SORL1: variants seen among roughly 807,000 people sequenced by gnomAD.
The protein encoded by SORL1 is sortilin related receptor 1.
A neutral mutation model predicts 273.7 loss-of-function variants in SORL1; 127 were observed. The observed-to-expected ratio is 0.46, with a 90% confidence interval of 0.40 to 0.54. SORL1 has a LOEUF of 0.54. Among genes scored for constraint, SORL1 ranks in the 20% least tolerant of loss-of-function variants. SORL1 has a pLI of 0.00. For missense variants in SORL1, 2,494 were observed against 2,846.1 expected (o/e 0.88, Z 2.81); for synonymous variants, 1,031 against 1,067.4 (o/e 0.97, Z 0.66).
intron 6 of SORL1, among the ~76,000 whole-genome samples, chr11:121,507,419 G>C (rs973358658): frequency 6.6e-6 from 1 of 152,136 alleles, no homozygotes; most frequent in African/African-American, 2.4e-5. Flanking sequence ...CAGGACACTT[G>C]ATGGTGTTTC....
At position 121,583,497 on chromosome 11, in the gene SORL1, G is replaced by A. The variant is rs114830255; in HGVS notation, c.3620G>A (p.Arg1207Gln). 1,533 of 1,612,634 alleles carry A rather than the reference G, an allele frequency of 9.5e-4. 15 individuals carry two copies. In the African/African-American group the frequency reaches 0.015, roughly 15 times the overall value. Residue 1207 changes from arginine to glutamine, a missense_variant, in exon 26 of 48, where the codon CGA (arginine) becomes CAA (glutamine). Transcript: ENST00000260197. Reference protein sequence around the residue: ...HTCEASNFQCRNGHCIPQRWA... With the variant: ...HTCEASNFQCQNGHCIPQRWA... Reference sequence around the variant, plus strand: ...TGTGAGGCCTCCAACTTCCAGTGCCGAAACGGGCACTGCATCCCCCAGCGG... The same window carrying A: ...TGTGAGGCCTCCAACTTCCAGTGCCAAAACGGGCACTGCATCCCCCAGCGG...
At chr11:121,558,471 T>A (rs1477181347) in intron 19 of SORL1, 120 bp from the exon 20 acceptor site, 2 of 1,013,106 alleles carry the variant, frequency 2.0e-6, no homozygotes, top group Non-Finnish European at 3.0e-6. Flanking sequence ...ATTGTTATAA[T>A]AATGCTGAAA....
intron 21 of SORL1, among the ~76,000 whole-genome samples, chr11:121,561,106 A>G (rs1862665534): frequency 6.6e-6 from 1 of 152,086 alleles, no homozygotes. Flanking sequence ...CTCCAAGTGG[A>G]TTTTTAGCAT....
intron 5 of SORL1, among the ~76,000 whole-genome samples, chr11:121,493,205 C>G (rs1490864963): frequency 1.3e-5 from 2 of 152,126 alleles, no homozygotes; most frequent in East Asian, 3.9e-4. Context: ...ATCTCAAACA[C>G]CTGGCCTCAA....
At chr11:121,517,752 C>T (rs940894315) in intron 8 of SORL1, among the ~76,000 whole-genome samples, 3 of 152,198 alleles carry the variant, frequency 2.0e-5, no homozygotes, top group Admixed American at 6.5e-5. Flanking sequence ...CATAGGCCAA[C>T]GTCCCACTCA....
At chr11:121,548,839 T>A (rs985397393) in intron 14 of SORL1, among the ~76,000 whole-genome samples, 5 of 152,134 alleles carry the variant, frequency 3.3e-5, no homozygotes, top group Non-Finnish European at 5.9e-5. Flanking sequence ...AATGCTGGGA[T>A]TACAGGCGTG....
At chr11:121,487,774 C>A (rs1275485609) in intron 3 of SORL1, among the ~76,000 whole-genome samples, 1 of 152,212 alleles carries the variant, frequency 6.6e-6, no homozygotes, top group African/African-American at 2.4e-5. Context: ...CCTGGTTAAA[C>A]AAGCCCACCT....
chr11:121,562,328 T>G (rs1368087454), intron 21 of SORL1, among the ~76,000 whole-genome samples: 1 of 152,240 alleles, frequency 6.6e-6, no homozygotes, highest in Non-Finnish European at 1.5e-5. Context: ...CCTAACACAT[T>G]CGGGACTTTC....
chr11:121,506,580 A>T (rs1362068723), intron 6 of SORL1, among the ~76,000 whole-genome samples: 1 of 152,162 alleles, frequency 6.6e-6, no homozygotes, highest in Admixed American at 6.5e-5. Context: ...GTTACCTCCC[A>T]CCTGGTCCCT....
intron 2 of SORL1, among the ~76,000 whole-genome samples, chr11:121,472,968 G>GA (rs11375584): frequency 0.98 from 142,134 of 145,250 alleles, 69,573 homozygotes; most frequent in Non-Finnish European, 1. Flanking sequence ...TCTCAAAAAA[G>GA]AAAAAAAAAA....
At chr11:121,459,170 G>A (rs1468867939) in intron 1 of SORL1, among the ~76,000 whole-genome samples, 3 of 152,238 alleles carry the variant, frequency 2.0e-5, no homozygotes. Flanking sequence ...CAGGTGAAAT[G>A]TGGCAAGTGT....
chr11:121,566,812 T>G, intron 21 of SORL1, 128 bp from the exon 22 acceptor site: 1 of 869,608 alleles, frequency 1.1e-6, no homozygotes, highest in Non-Finnish European at 1.7e-6. Flanking sequence ...AGCTTGCCAC[T>G]TGACCCTTGA....
At chr11:121,580,240 C>G (rs759566344) in intron 25 of SORL1, among the ~76,000 whole-genome samples, 6 of 152,210 alleles carry the variant, frequency 3.9e-5, no homozygotes, top group Non-Finnish European at 8.8e-5. Flanking sequence ...TTTCTCTGGT[C>G]TTGTCTTCAG....
At chr11:121,612,687 G>A (rs764594482) in intron 39 of SORL1, 49 bp from the exon 40 acceptor site, 2 of 1,317,042 alleles carry the variant, frequency 1.5e-6, no homozygotes, top group Non-Finnish European at 2.2e-6. Flanking sequence ...TGTATTTAGT[G>A]TGCCCCATGA....
chr11:121,557,100 T>C (rs962682354), intron 18 of SORL1: 1 of 585,074 alleles, frequency 1.7e-6, no homozygotes, highest in African/African-American at 1.9e-5. Context: ...TAGCTCCTCT[T>C]TCAGACCACT....
intron 9 of SORL1, among the ~76,000 whole-genome samples, chr11:121,521,479 C>A (rs1862041253): frequency 6.6e-6 from 1 of 152,166 alleles, no homozygotes; most frequent in South Asian, 2.1e-4. Context: ...CATTCAAATT[C>A]AGCTTTCTGT....
chr11:121,616,279 C>A (rs1033935223), intron 41 of SORL1, among the ~76,000 whole-genome samples: 1 of 152,168 alleles, frequency 6.6e-6, no homozygotes, highest in Non-Finnish European at 1.5e-5. Context: ...TCAGCTCATG[C>A]ACTGGTCACA....
At chr11:121,589,947 G>A in intron 29 of SORL1, 93 bp from the exon 30 acceptor site, 1 of 1,489,446 alleles carries the variant, frequency 6.7e-7, no homozygotes, top group Non-Finnish European at 9.2e-7. Context: ...GGGTTGCCCT[G>A]GAACTTGGGT....
intron 5 of SORL1, among the ~76,000 whole-genome samples, chr11:121,491,414 T>G (rs1861551139): frequency 1.3e-5 from 2 of 152,212 alleles, no homozygotes; most frequent in African/African-American, 4.8e-5. Context: ...CAGGCAAATG[T>G]GTAGGACAGA....
Sources: allele counts gnomAD v4.1 joint callset (sites outside exome capture counted in the v4.1 genomes callset), GRCh38; gene constraint gnomAD v4.1.1; transcripts MANE v1.5; gene names NCBI Gene and HGNC (gene_info 2026-07-23, HGNC 2026-07-21).